BEST3: variants seen among roughly 807,000 people sequenced by gnomAD.
BEST3 encodes the protein bestrophin 3, also known as bestrophin-3.
In BEST3, 50 loss-of-function variants were observed where a neutral mutation model predicts 47.1. That is an observed-to-expected ratio of 1.06 (90% CI 0.85 to 1.34). The LOEUF (loss-of-function observed/expected upper bound fraction) is 1.34, where lower values mean the gene tolerates loss of function less well. Ranked by LOEUF, BEST3 falls within the 40% of genes most tolerant of loss-of-function variation. The pLI, the probability that BEST3 is intolerant of heterozygous loss-of-function variation, is 0.00. For missense variants in BEST3, 765 were observed against 817.0 expected, an observed-to-expected ratio of 0.94 and a Z score of 0.78; for synonymous variants, 282 against 298.8, an observed-to-expected ratio of 0.94 and a Z score of 0.58.
intron 4 of BEST3, among the ~76,000 whole-genome samples, chr12:69,692,693 A>G (rs1019839171): frequency 6.6e-5 from 10 of 152,236 alleles, no homozygotes; most frequent in African/African-American, 2.4e-4. Flanking sequence ...TTGAAGTCCA[A>G]ATGAAATAGC....
intron 9 of BEST3, chr12:69,661,417 T>TGAGAA: frequency 6.6e-6 from 1 of 152,224 alleles, no homozygotes; most frequent in Admixed American, 6.5e-5. Context: ...GCAGATTTAT[T>TGAGAA]GTTTTCAAAT....
Position 69,654,986 on chromosome 12 carries a change from A to G in BEST3, c.1928T>C (p.Leu643Pro), listed in dbSNP as rs778341853. Reference sequence around the variant, plus strand: ...GGTGTCCAGGTTTTCCATTAAATACAGCATATCAGAAGAGACTCGAGAGCC... The same window carrying G: ...GGTGTCCAGGTTTTCCATTAAATACGGCATATCAGAAGAGACTCGAGAGCC... ...VAGSRVSSDM[L>P]YLMENLDTKE... Residue 643 changes from leucine to proline, a missense_variant, in exon 10 of 10, where the codon CTG becomes CCG. Coordinates refer to ENST00000330891, the MANE Select transcript of BEST3 (RefSeq NM_032735.3). 4.3e-6 allele frequency: 7 copies of G among 1,613,992 alleles called. No homozygotes were observed. The highest frequency in any genetic ancestry group is 1.3e-5 in the African/African-American group (1 of 74,902).
chr12:69,646,596 G>A (rs141944682), intron 9 of BEST3, among the ~76,000 whole-genome samples: 78 of 152,286 alleles, frequency 5.1e-4, no homozygotes, highest in African/African-American at 1.8e-3. Flanking sequence ...CTGTACCCAT[G>A]AGAAGGGCAT....
At chr12:69,697,544 T>G in intron 2 of BEST3, 103 bp downstream of exon 2, 2 of 913,618 alleles carry the variant, frequency 2.2e-6, no homozygotes, top group South Asian at 4.4e-5. Flanking sequence ...AAAAAAGGAG[T>G]TCCATAATGC....
At chr12:69,663,159 C>A (rs529927278) in intron 9 of BEST3, among the ~76,000 whole-genome samples, 1 of 152,108 alleles carries the variant, frequency 6.6e-6, no homozygotes, top group Non-Finnish European at 1.5e-5. Flanking sequence ...AATGGGTAAT[C>A]CCAAGTAATT....
chr12:69,645,421 C>A (rs938192072), intron 9 of BEST3, among the ~76,000 whole-genome samples: 1 of 152,166 alleles, frequency 6.6e-6, no homozygotes, highest in Admixed American at 6.5e-5. Flanking sequence ...CAGTAACTGC[C>A]ACCTAATAGG....
intron 4 of BEST3, among the ~76,000 whole-genome samples, chr12:69,686,091 T>C (rs534639874): frequency 6.6e-6 from 1 of 151,286 alleles, no homozygotes; most frequent in South Asian, 2.1e-4. Flanking sequence ...CTGGCACAGC[T>C]GTGAATACCA....
intron 4 of BEST3, among the ~76,000 whole-genome samples, chr12:69,679,914 C>CGTGTGTGTGTGTGTATGCATGCGT: frequency 6.7e-6 from 1 of 150,252 alleles, no homozygotes; most frequent in African/African-American, 2.4e-5. Flanking sequence ...TGTATGCATG[C>CGTGTGTGTGTGTGTATGCATGCGT]GTGTGTGTGT....
chr12:69,648,057 C>G (rs536121588), intron 9 of BEST3, among the ~76,000 whole-genome samples: 6 of 152,250 alleles, frequency 3.9e-5, no homozygotes, highest in African/African-American at 1.2e-4. Flanking sequence ...ATTAGGCATC[C>G]CTTTACATTT....
In BEST3 at chr12:69,693,715, A is replaced by G. The variant is rs1453068668; in HGVS notation, c.440T>C (p.Val147Ala). Residue 147 changes from valine (V) to alanine (A), a missense_variant, in exon 4 of 10, where the codon GTG (valine) becomes GCG (alanine). Physicochemically the swap from Val to Ala is moderately conservative, Grantham distance 64. Coordinates refer to ENST00000330891, the MANE Select transcript of BEST3 (RefSeq NM_032735.3). ...GTCCATTGTGGGAAATCTTTTGTAC[A>G]CAGCAGTGCTCACCGAGCGAAAGAT... Reference protein sequence around the residue: ...LLIFRSVSTAVYKRFPTMDHV... With the variant: ...LLIFRSVSTAAYKRFPTMDHV... The G allele has an allele frequency of 6.2e-7, 1 of 1,613,986 alleles. No individual in the cohort carries two copies. Among genetic ancestry groups the G allele is most frequent in the Non-Finnish European group, 8.5e-7 (1 of 1,179,978 alleles).
At chr12:69,645,300 C>T (rs548210689) in intron 9 of BEST3, among the ~76,000 whole-genome samples, 345 of 152,206 alleles carry the variant, frequency 2.3e-3, no homozygotes, top group African/African-American at 4.8e-3. Context: ...CTCCCAGGAA[C>T]GCTAAGTTTT....
At chr12:69,651,856 A>C (rs1011554751), downstream of BEST3, among the ~76,000 whole-genome samples, 1 of 152,090 alleles carries the variant, frequency 6.6e-6, no homozygotes, top group Non-Finnish European at 1.5e-5. Context: ...AGGCGAAAAC[A>C]CCAAAAACAA....
chr12:69,683,739 A>G (rs1312224729), intron 4 of BEST3: 1 of 152,238 alleles, frequency 6.6e-6, no homozygotes, highest in Admixed American at 6.5e-5. Context: ...ACACGTCATC[A>G]GGACCACCTG....
At chr12:69,649,584 T>C (rs1400075733), downstream of BEST3, among the ~76,000 whole-genome samples, 1 of 152,240 alleles carries the variant, frequency 6.6e-6, no homozygotes, top group Non-Finnish European at 1.5e-5. Context: ...ATTAATCTCC[T>C]TGATGGTTGT....
chr12:69,697,733 G>A lies in BEST3; in HGVS notation c.66C>T (p.Leu22=), dbSNP rs770979385. 1.2e-6 allele frequency: 2 copies of A among 1,613,248 alleles called. No homozygotes were observed. The highest frequency in any genetic ancestry group is 1.1e-5 in the South Asian group (1 of 91,018). The change falls in exon 2 of 10, where the codon CTC becomes CTT. Residue 22 remains leucine, a synonymous_variant. Transcript: ENST00000330891. ...GTTTGTAGATGCTGCCTCTCCACTTGAGGAGTAACCTATGAAATCCAAAAA... is the reference window on the plus strand; with the variant it reads ...GTTTGTAGATGCTGCCTCTCCACTTAAGGAGTAACCTATGAAATCCAAAAA... ...ATFFGFHRLL[L]KWRGSIYKLL...
At chr12:69,684,687 C>T (rs1592365276) in intron 4 of BEST3, 2 of 539,568 alleles carry the variant, frequency 3.7e-6, no homozygotes, top group East Asian at 6.0e-5. Flanking sequence ...TGCAACGTGC[C>T]TGGCTTGTTT....
At chr12:69,643,561 G>T (rs1267372587) in exon 10 of BEST3, 21 of 521,314 alleles carry the variant, frequency 4.0e-5, no homozygotes, top group Non-Finnish European at 6.3e-5. Flanking sequence ...CATTAATAAA[G>T]TGCATTTCTT....
At chr12:69,695,475 GCCC>G (rs1328194494) in intron 2 of BEST3, among the ~76,000 whole-genome samples, 1 of 152,158 alleles carries the variant, frequency 6.6e-6, no homozygotes, top group East Asian at 1.9e-4. Context: ...TGGAGTTCCT[GCCC>G]CAGCTTTGGA....
At chr12:69,670,223 C>CAGTAAAGAAAGA (rs1884472732) in intron 9 of BEST3, 3 of 498,498 alleles carry the variant, frequency 6.0e-6, no homozygotes, top group African/African-American at 1.9e-5. Flanking sequence ...ACAAGAGATT[C>CAGTAAAGAAAGA]CTATCCATGG....
Sources: gnomAD v4.1 joint callset for allele counts (sites outside exome capture counted in the v4.1 genomes callset) on GRCh38, gnomAD v4.1.1 for gene constraint, MANE v1.5 for transcripts, NCBI Gene and HGNC (gene_info 2026-07-23, HGNC 2026-07-21) for gene names.